The following JAK2 variants were observed in gnomAD, a reference collection of about 807,000 sequenced individuals.
JAK2 encodes Janus kinase 2.
Under a neutral mutation model 139.3 loss-of-function variants are expected in JAK2, and 86 were observed. The ratio of observed to expected loss-of-function variants is 0.62; its 90% CI spans 0.52 to 0.74. The LOEUF is 0.74. Among genes scored for constraint, JAK2 ranks in the 30% least tolerant of loss-of-function variants. The pLI is 0.00. For synonymous variants in JAK2, 490 were observed against 437.7 expected, an observed-to-expected ratio of 1.12 and a Z score of -1.49; for missense variants, 1,421 against 1,360.3, an observed-to-expected ratio of 1.04 and a Z score of -0.70.
chr9:4,992,104 G>T (rs1232426850), intron 2 of JAK2, among the ~76,000 whole-genome samples: 2 of 152,272 alleles, frequency 1.3e-5, no homozygotes, highest in Non-Finnish European at 2.9e-5. Flanking sequence ...GGGAAGAATT[G>T]CCAGCCAGGG....
chr9:5,033,788 G>A (rs1011943627), intron 4 of JAK2, among the ~76,000 whole-genome samples: 7 of 152,042 alleles, frequency 4.6e-5, no homozygotes, highest in African/African-American at 1.2e-4. Context: ...GCAAAAACAC[G>A]CCAAATTGTA....
chr9:5,035,318 G>C (rs1823498381), intron 4 of JAK2, among the ~76,000 whole-genome samples: 1 of 152,154 alleles, frequency 6.6e-6, no homozygotes, highest in Non-Finnish European at 1.5e-5. Flanking sequence ...AGAGGAGCTG[G>C]TACCATTCCT....
intron 12 of JAK2, among the ~76,000 whole-genome samples, 160 bp from the exon 13 acceptor site, chr9:5,072,331 GA>G (rs1269344702): frequency 2.6e-5 from 4 of 152,154 alleles, no homozygotes. Context: ...TAAGGAAGCA[GA>G]ATAAAAGCAT....
intron 23 of JAK2, among the ~76,000 whole-genome samples, chr9:5,125,599 C>A (rs1823932304): frequency 6.6e-6 from 1 of 151,294 alleles, no homozygotes; most frequent in Admixed American, 6.6e-5. Context: ...AAAAGCTGTG[C>A]CAAATTATAT....
chr9:5,125,080 T>C (rs951976704), intron 23 of JAK2, among the ~76,000 whole-genome samples: 3 of 151,292 alleles, frequency 2.0e-5, no homozygotes, highest in Non-Finnish European at 3.0e-5. Flanking sequence ...TTGGTCATCA[T>C]AGAATTTTTT....
intron 4 of JAK2, among the ~76,000 whole-genome samples, chr9:5,032,554 G>C (rs992620318): frequency 3.3e-5 from 5 of 152,222 alleles, no homozygotes; most frequent in African/African-American, 4.8e-5. Flanking sequence ...AAAACTTCCA[G>C]AGGAACAGTC....
chr9:5,075,346 C>A (rs962175289), intron 14 of JAK2, among the ~76,000 whole-genome samples: 2 of 152,206 alleles, frequency 1.3e-5, no homozygotes, highest in African/African-American at 4.8e-5. Context: ...CCATCTAGGA[C>A]TTCCACAGCT....
rs531822903 is a variant in JAK2 at position 5,111,427 on chromosome 9, C to T, written c.3060-11577C>T. 17 of 397,060 alleles carry T rather than the reference C, an allele frequency of 4.3e-5. No individual in the cohort carries two copies. The East Asian group carries it at 1.0e-3, about 24-fold the overall frequency. 24.6% of individuals were successfully genotyped at this position (397,060 alleles called of 1,614,324 possible). A position where few individuals can be genotyped will look rare whatever the true frequency, so the allele number is the denominator to read the frequency against. ...GCCTGGACACGCAGCCCACGAAGGT[C>T]GGGAAGGTCCCGCCTGGTCTTCCAT... On this transcript the variant is annotated intron_variant, in intron 22 of 24. Transcript: ENST00000381652.
chr9:5,128,333 C>A lies in JAK2; in HGVS notation c.*1542C>A, dbSNP rs1163979287. ...TTTTAATAGTTCTGGATGCAGAAAT[C>A]ATCTAAAATGACAGTGAATTAGGTT... is the stretch of plus-strand genomic sequence containing the variant. On this transcript the variant is annotated 3_prime_UTR_variant, in exon 25 of 25. Transcript: ENST00000381652. 1 of 221,714 alleles carries A rather than the reference C, an allele frequency of 4.5e-6. No homozygotes were observed. The highest frequency in any genetic ancestry group is 6.4e-5 in the East Asian group (1 of 15,558). 13.7% of individuals were successfully genotyped at this position (221,714 alleles called of 1,614,324 possible).
rs536474073 is a variant in JAK2, at chr9:5,064,957, A to C, written c.1131A>C (p.Ala377=). The part of the protein sequence containing the change: ...SLIDGYYRLT[A]DAHHYLCKEV... The stretch of plus-strand genomic sequence containing the variant: ...TTGATGGATATTATAGATTAACTGC[A>C]GATGCACATCATTACCTCTGTAAAG... Residue 377 remains alanine (A), a synonymous_variant, in exon 9 of 25, where the codon GCA becomes GCC. Coordinates refer to ENST00000381652, the MANE Select transcript of JAK2 (RefSeq NM_004972.4). 6.2e-7 allele frequency: 1 copy of C among 1,607,522 alleles called. No homozygotes were observed. The highest frequency in any genetic ancestry group is 1.1e-5 in the South Asian group (1 of 90,242).
intron 3 of JAK2, among the ~76,000 whole-genome samples, chr9:5,024,262 AAAT>A (rs1822632512): frequency 6.6e-6 from 1 of 152,208 alleles, no homozygotes; most frequent in African/African-American, 2.4e-5. Flanking sequence ...TCTCAAAAAA[AAAT>A]TTTTTTTTGG....
intron 4 of JAK2, among the ~76,000 whole-genome samples, chr9:5,039,782 A>G (rs1286233317): frequency 6.6e-6 from 1 of 152,172 alleles, no homozygotes; most frequent in East Asian, 1.9e-4. Flanking sequence ...TGTAAAATGT[A>G]TACACTGAGA....
At chr9:5,112,756 G>A (rs754177265) in intron 22 of JAK2, 20 of 661,700 alleles carry the variant, frequency 3.0e-5, no homozygotes, top group Non-Finnish European at 4.7e-5. Flanking sequence ...GGCGAGAAGA[G>A]AAGGTGTCGC....
intron 4 of JAK2, among the ~76,000 whole-genome samples, chr9:5,036,952 T>C (rs1211825964): frequency 2.0e-5 from 3 of 152,176 alleles, no homozygotes; most frequent in African/African-American, 7.2e-5. Flanking sequence ...AACATTTTTG[T>C]AATCTACTCA....
chr9:5,073,830 G>GT (rs755468310), intron 14 of JAK2, 45 bp downstream of exon 14: 16 of 1,260,406 alleles, frequency 1.3e-5, no homozygotes, highest in Non-Finnish European at 1.0e-5. Context: ...CAGAGCATCT[G>GT]TTTTTGTTTA....
intron 9 of JAK2, among the ~76,000 whole-genome samples, chr9:5,065,290 A>T (rs768357860): frequency 2.7e-4 from 41 of 152,156 alleles, no homozygotes; most frequent in Non-Finnish European, 5.3e-4. Context: ...CCTATGTGTG[A>T]TTCACTCCTG....
intron 2 of JAK2, among the ~76,000 whole-genome samples, chr9:5,016,778 C>G (rs1298337544): frequency 6.6e-6 from 1 of 152,152 alleles, no homozygotes; most frequent in African/African-American, 2.4e-5. Flanking sequence ...GCCAAGCTAA[C>G]CATTATCCTA....
At chr9:5,105,196 G>A (rs1821851789) in intron 22 of JAK2, among the ~76,000 whole-genome samples, 1 of 152,210 alleles carries the variant, frequency 6.6e-6, no homozygotes, top group Non-Finnish European at 1.5e-5. Context: ...AGGCTGGTAA[G>A]CAACTTCAGC....
At chr9:5,044,760 T>C (rs182714014) in intron 5 of JAK2, among the ~76,000 whole-genome samples, 6 of 152,342 alleles carry the variant, frequency 3.9e-5, no homozygotes, top group African/African-American at 1.4e-4. Context: ...TTCTTTCTTT[T>C]TTAGGACTTT....
Sources: gnomAD v4.1 joint callset for allele counts (sites outside exome capture counted in the v4.1 genomes callset) on GRCh38, gnomAD v4.1.1 for gene constraint, MANE v1.5 for transcripts, NCBI Gene and HGNC (gene_info 2026-07-23, HGNC 2026-07-21) for gene names.